The following INTS15 variants were observed in gnomAD, a reference collection of about 807,000 sequenced individuals.
The protein encoded by INTS15 is uncharacterized protein C7orf26.
At chr7:6,603,247 CAAAAATA>C in the INTS15 span, among the ~76,000 whole-genome samples, 6 of 149,360 alleles carry the variant, frequency 4.0e-5, no homozygotes, top group African/African-American at 1.2e-4. Flanking sequence ...GAAACTCTGT[CAAAAATA>C]AAAAATAAAA....
the INTS15 span, among the ~76,000 whole-genome samples, chr7:6,591,485 C>T: frequency 1.3e-5 from 2 of 152,014 alleles, no homozygotes; most frequent in East Asian, 2.0e-4. Flanking sequence ...AGGCTGGTCT[C>T]GAACTCTTGA....
the INTS15 span, among the ~76,000 whole-genome samples, chr7:6,599,117 A>G: frequency 1.4e-3 from 219 of 152,258 alleles, no homozygotes; most frequent in Middle Eastern, 0.017. Flanking sequence ...ATCACTTGAC[A>G]TGACTGTCCC....
At chr7:6,590,474 A>G in the INTS15 span, 9 of 1,584,456 alleles carry the variant, frequency 5.7e-6, no homozygotes, top group African/African-American at 1.4e-5. Context: ...GCGCAGCCCA[A>G]GGTGCGGCCT....
At chr7:6,607,809 T>G in the INTS15 span, 1 of 1,491,228 alleles carries the variant, frequency 6.7e-7, no homozygotes, top group South Asian at 1.3e-5. The surrounding 1 kb of genome is among the most constrained non-coding windows in gnomAD (Gnocchi z 6.0). Flanking sequence ...TGCCACTGCT[T>G]CTCCGTGTCC....
At chr7:6,598,485 A>G in the INTS15 span, among the ~76,000 whole-genome samples, 1 of 148,904 alleles carries the variant, frequency 6.7e-6, no homozygotes, top group African/African-American at 2.5e-5. Context: ...AAAAAAAAAA[A>G]GGCACACAGG....
At chr7:6,604,926 G>C in the INTS15 span, among the ~76,000 whole-genome samples, 1 of 152,158 alleles carries the variant, frequency 6.6e-6, no homozygotes, top group East Asian at 1.9e-4. Context: ...AGCACAGACA[G>C]ATCAGAGGGC....
At chr7:6,596,601 ACTC>A in the INTS15 span, among the ~76,000 whole-genome samples, 1 of 146,868 alleles carries the variant, frequency 6.8e-6, no homozygotes, top group East Asian at 2.0e-4. Flanking sequence ...TTGGTCTTGA[ACTC>A]CTGACCTCAG....
chr7:6,590,799 A>G, the INTS15 span, among the ~76,000 whole-genome samples: 1 of 151,146 alleles, frequency 6.6e-6, no homozygotes, highest in East Asian at 1.9e-4. Context: ...AATGATCTGT[A>G]TGGCTTTCTT....
At chr7:6,590,400 C>A in the INTS15 span, 1 of 1,606,872 alleles carries the variant, frequency 6.2e-7, no homozygotes. Flanking sequence ...CGCTGCCCAT[C>A]GTGGACAAGG....
the INTS15 span, chr7:6,607,957 C>G: frequency 6.3e-7 from 1 of 1,599,256 alleles, no homozygotes; most frequent in Non-Finnish European, 8.5e-7. This position sits in a 1 kb window ranked among gnomAD's most constrained non-coding sequence, Gnocchi z 6.0. Flanking sequence ...CTTGTGTTCG[C>G]AGCCTCCTCC....
At chr7:6,596,858 A>C in the INTS15 span, among the ~76,000 whole-genome samples, 1 of 150,656 alleles carries the variant, frequency 6.6e-6, no homozygotes, top group African/African-American at 2.4e-5. Context: ...TCTCGACTCA[A>C]CTGCAAGCTC....
the INTS15 span, chr7:6,607,994 C>G: frequency 6.2e-7 from 1 of 1,600,258 alleles, no homozygotes. The surrounding 1 kb of genome is among the most constrained non-coding windows in gnomAD (Gnocchi z 6.0). Context: ...TCCCGTGCAG[C>G]AGTCGCCTCA....
At chr7:6,592,599 G>GT in the INTS15 span, among the ~76,000 whole-genome samples, 37 of 149,442 alleles carry the variant, frequency 2.5e-4, no homozygotes, top group Non-Finnish European at 4.2e-4. Flanking sequence ...ATTAGGGTGT[G>GT]TTTTTTTTTC....
chr7:6,592,858 C>A, the INTS15 span, among the ~76,000 whole-genome samples: 1 of 152,120 alleles, frequency 6.6e-6, no homozygotes, highest in East Asian at 1.9e-4. Flanking sequence ...GATCCTCCTG[C>A]CTCAGCCTCC....
the INTS15 span, among the ~76,000 whole-genome samples, chr7:6,591,440 A>G: frequency 6.6e-6 from 1 of 151,320 alleles, no homozygotes; most frequent in African/African-American, 2.4e-5. Flanking sequence ...TAATTGTTGT[A>G]TTTTTAGTAG....
At chr7:6,590,376 G>A in the INTS15 span, 1 of 1,607,202 alleles carries the variant, frequency 6.2e-7, no homozygotes, top group Non-Finnish European at 8.5e-7. Flanking sequence ...TCAGCAGCCA[G>A]CTGCAGAGCG....
chr7:6,594,386 A>G, the INTS15 span: 65 of 1,600,152 alleles, frequency 4.1e-5, no homozygotes, highest in Non-Finnish European at 5.4e-5. Context: ...TTGCTGGTCT[A>G]CTCACTCACG....
At chr7:6,607,987 C>G in the INTS15 span, 4 of 1,600,146 alleles carry the variant, frequency 2.5e-6, no homozygotes, top group South Asian at 4.4e-5. This position sits in a 1 kb window ranked among gnomAD's most constrained non-coding sequence, Gnocchi z 6.0. Context: ...TCTCGGGTCC[C>G]GTGCAGCAGT....
At chr7:6,600,007 T>G in the INTS15 span, 1 of 1,614,122 alleles carries the variant, frequency 6.2e-7, no homozygotes, top group African/African-American at 1.3e-5. Flanking sequence ...CACCCCTGGC[T>G]TATAAAAGGA....
Sources: allele counts gnomAD v4.1 joint callset (sites outside exome capture counted in the v4.1 genomes callset), GRCh38; gene constraint gnomAD v4.1.1; non-coding constraint Gnocchi (gnomAD v3.1); transcripts MANE v1.5; gene names NCBI Gene and HGNC (gene_info 2026-07-23, HGNC 2026-07-21).